LMBR1: variants seen among roughly 807,000 people sequenced by gnomAD.
The protein encoded by LMBR1 is limb development membrane protein 1.
A neutral mutation model predicts 73.9 loss-of-function variants in LMBR1; 52 were observed. The observed-to-expected ratio is 0.70, with a 90% CI of 0.56 to 0.89. The LOEUF (loss-of-function observed/expected upper bound fraction) is 0.89. Among genes scored for constraint, LMBR1 ranks in the 40% least tolerant of loss-of-function variants. LMBR1 has a pLI of 0.00. For synonymous variants in LMBR1, 215 were observed against 209.4 expected, an observed-to-expected ratio of 1.03 and a Z score of -0.23; for missense variants, 539 against 579.8, an observed-to-expected ratio of 0.93 and a Z score of 0.72.
Position 156,727,951 on chromosome 7 carries a change from T to C in LMBR1, c.972A>G (p.Thr324=), listed in dbSNP as rs1184805059. The stretch of plus-strand genomic sequence containing the variant: ...TTACCCTTGTTCCTTTTGGCATTGC[T>C]GTTTCATCAACCAATAGGCAAAGAA... ...CNILCLLVDE[T]AMPKGTRGPG... The change falls in exon 12 of 17, where the codon ACA becomes ACG. Residue 324 remains threonine, a synonymous_variant. Coordinates refer to ENST00000353442, the MANE Select transcript of LMBR1 (RefSeq NM_022458.4). The C allele has an allele frequency of 6.2e-7, 1 of 1,613,378 alleles. No individual in the cohort carries two copies. Among genetic ancestry groups the C allele is most frequent in the Admixed American group, 1.7e-5 (1 of 60,002 alleles).
At chr7:156,697,721 A>C (rs1420761659) in intron 15 of LMBR1, among the ~76,000 whole-genome samples, 2 of 152,246 alleles carry the variant, frequency 1.3e-5, no homozygotes, top group East Asian at 3.9e-4. Flanking sequence ...TGTTCCCTAA[A>C]AATCACTGTT....
intron 15 of LMBR1, among the ~76,000 whole-genome samples, chr7:156,693,928 A>G (rs1348060376): frequency 6.6e-6 from 1 of 152,196 alleles, no homozygotes; most frequent in East Asian, 1.9e-4. Flanking sequence ...TCAACAACAC[A>G]TTAATAGGAT....
At chr7:156,754,376 T>C (rs990551727) in intron 9 of LMBR1, among the ~76,000 whole-genome samples, 3 of 152,200 alleles carry the variant, frequency 2.0e-5, no homozygotes, top group African/African-American at 7.2e-5. Context: ...AAAATACTGT[T>C]ATTTCTACAG....
intron 9 of LMBR1, among the ~76,000 whole-genome samples, chr7:156,749,758 C>T (rs1318597044): frequency 1.3e-5 from 2 of 152,040 alleles, no homozygotes; most frequent in Non-Finnish European, 2.9e-5. Flanking sequence ...GGCGTGATCT[C>T]GGCTCACTGC....
At position 156,794,828 on chromosome 7, in the gene LMBR1, G is replaced by T. The variant is rs1001507160; in HGVS notation, c.423+1561C>A. On this transcript the variant is annotated intron_variant, in intron 5 of 16. Transcript: ENST00000353442. ...GGACTGATTCGGTGCCGTGTCTACA[G>T]ATCAGTGTTCTGCACTGTGTGGGGC... Among the ~76,000 whole-genome samples the T allele has an allele frequency of 2.6e-5, 4 of 152,122 alleles. No individual in the cohort carries two copies. In the South Asian group the frequency reaches 6.2e-4, roughly 24 times the overall value.
rs145911217 is a variant in LMBR1, at chr7:156,820,210, A to C, written c.319+6395T>G. Among the ~76,000 whole-genome samples the C allele has an allele frequency of 3.7e-3, 557 of 152,198 alleles. 5 individuals carry two copies. The highest frequency in any genetic ancestry group is 0.013 in the African/African-American group (535 of 41,520). On this transcript the variant is annotated intron_variant, in intron 4 of 16. Transcript: ENST00000353442. ...GTGGCTTCATTGCCTGAACAAATTA[A>C]CATGCCACCTATCTGGTATGCAGCT... is the stretch of plus-strand genomic sequence containing the variant.
chr7:156,844,522 TCTC>T (rs1216613964), intron 1 of LMBR1, among the ~76,000 whole-genome samples: 4 of 151,148 alleles, frequency 2.6e-5, no homozygotes, highest in Admixed American at 2.6e-4. Flanking sequence ...TGATGCCTAT[TCTC>T]CCTTTGTCCA....
At chr7:156,709,896 A>ATTTTTTTTTTTTTTTTTTTTTTT (rs34487923) in intron 15 of LMBR1, among the ~76,000 whole-genome samples, 1 of 90,354 alleles carries the variant, frequency 1.1e-5, no homozygotes, top group African/African-American at 4.8e-5. Context: ...CAGAAGGTTG[A>ATTTTTTTTTTTTTTTTTTTTTTT]TTTTTTTTTT....
chr7:156,845,465 T>C (rs1437405142), intron 1 of LMBR1, among the ~76,000 whole-genome samples: 2 of 152,026 alleles, frequency 1.3e-5, no homozygotes, highest in African/African-American at 4.8e-5. Flanking sequence ...CAAAAATAGT[T>C]ATGAAGATAA....
intron 5 of LMBR1, among the ~76,000 whole-genome samples, chr7:156,792,757 T>A (rs959358715): frequency 6.6e-6 from 1 of 152,224 alleles, no homozygotes; most frequent in African/African-American, 2.4e-5. Context: ...CATCCGCCCA[T>A]GGCCAGTGGC....
At position 156,725,087 on chromosome 7, in the gene LMBR1, G is replaced by C. The variant is rs949286875; in HGVS notation, c.1158+348C>G. Among the ~76,000 whole-genome samples the C allele has an allele frequency of 2.0e-5, 3 of 152,130 alleles. No individual in the cohort carries two copies. In the South Asian group the frequency reaches 6.2e-4, roughly 32 times the overall value. ...TGTCCCTACTACTTGTAGCAACTAA[G>C]TTCTTCAGACTTCAAACAAGCTCCC... On this transcript the variant is annotated intron_variant, in intron 14 of 16. Coordinates refer to ENST00000353442, the MANE Select transcript of LMBR1 (RefSeq NM_022458.4).
chr7:156,830,631 T>C (rs1329616177), intron 3 of LMBR1, among the ~76,000 whole-genome samples: 1 of 152,262 alleles, frequency 6.6e-6, no homozygotes, highest in South Asian at 2.1e-4. Context: ...CTGTGAAATG[T>C]TGGCATACCA....
chr7:156,713,399 G>A (rs1056346913), intron 15 of LMBR1, among the ~76,000 whole-genome samples: 1 of 152,198 alleles, frequency 6.6e-6, no homozygotes, highest in Non-Finnish European at 1.5e-5. Flanking sequence ...GACTCTGGGT[G>A]ATAATGTGTC....
chr7:156,872,578 C>T (rs923423540), intron 1 of LMBR1, among the ~76,000 whole-genome samples: 2 of 151,084 alleles, frequency 1.3e-5, no homozygotes, highest in Non-Finnish European at 2.9e-5. Flanking sequence ...ACCAGGGAGG[C>T]GGAGGCTGCA....
chr7:156,800,550 G>A (rs183014597), intron 4 of LMBR1, among the ~76,000 whole-genome samples: 60 of 149,300 alleles, frequency 4.0e-4, no homozygotes, highest in Admixed American at 7.4e-4. Flanking sequence ...TGATGGAGAT[G>A]AAAGAGCCCT....
At chr7:156,851,814 A>C (rs1387587850) in intron 1 of LMBR1, among the ~76,000 whole-genome samples, 1 of 152,232 alleles carries the variant, frequency 6.6e-6, no homozygotes, top group Non-Finnish European at 1.5e-5. Flanking sequence ...CTTCTTCCTT[A>C]GATCTATGAA....
In LMBR1 at chr7:156,684,000, T is replaced by C; in HGVS notation, c.*78A>G. On this transcript the variant is annotated 3_prime_UTR_variant, in exon 17 of 17. Transcript: ENST00000353442. ...AAGAGGGGCCACGGTTGAATGGAAA[T>C]GCTTCTACATGGGACAGGAATGTCG... 8.5e-7 allele frequency: 1 copy of C among 1,180,546 alleles called. No homozygotes were observed. The highest frequency in any genetic ancestry group is 1.3e-5 in the South Asian group (1 of 79,698). The allele number at this position is 1,180,546 out of a possible 1,614,324, so 73.1% of individuals were successfully genotyped here. A position where few individuals can be genotyped will look rare whatever the true frequency, so the allele number is the denominator to read the frequency against.
At chr7:156,778,927 G>A (rs1270637059) in intron 5 of LMBR1, among the ~76,000 whole-genome samples, 1 of 152,078 alleles carries the variant, frequency 6.6e-6, no homozygotes, top group Non-Finnish European at 1.5e-5. Context: ...AGCCCCGAGG[G>A]GAAGCTTCCT....
At chr7:156,742,382 G>GA (rs1819060986) in intron 9 of LMBR1, among the ~76,000 whole-genome samples, 1 of 150,758 alleles carries the variant, frequency 6.6e-6, no homozygotes. Flanking sequence ...GCCAGACCAA[G>GA]AAAAAAAAGA....
Sources: allele counts gnomAD v4.1 joint callset (sites outside exome capture counted in the v4.1 genomes callset), GRCh38; gene constraint gnomAD v4.1.1; transcripts MANE v1.5; gene names NCBI Gene and HGNC (gene_info 2026-07-23, HGNC 2026-07-21).